Variants in KLK1 observed in about 807,000 individuals in gnomAD.
KLK1 encodes kallikrein 1, also known as kallikrein-1.
Under a neutral mutation model 23.3 loss-of-function variants are expected in KLK1, and 22 were observed. The observed-to-expected ratio is 0.95, with a 90% confidence interval of 0.68 to 1.35. The LOEUF (loss-of-function observed/expected upper bound fraction) is 1.35. Ranked by LOEUF, KLK1 falls within the 40% of genes most tolerant of loss-of-function variation. The probability of loss-of-function intolerance (pLI) is 0.00; values close to 1 mark genes in which losing one functional copy is unlikely to be tolerated. For synonymous variants in KLK1, 140 were observed against 135.8 expected (o/e 1.03, Z -0.21); for missense variants, 301 against 338.9 (o/e 0.89, Z 0.88).
chr19:50,819,884 G>A lies in KLK1; in HGVS notation c.633+15C>T, dbSNP rs1319003629. The A allele has an allele frequency of 6.2e-7, 1 of 1,613,212 alleles. No homozygotes were observed. The highest frequency in any genetic ancestry group is 8.5e-7 in the Non-Finnish European group (1 of 1,179,508). On this transcript the variant is annotated intron_variant, in intron 4 of 4. Transcript: ENST00000301420. ...CCCTCAGCCCTTCCAGACCCTGGGG[G>A]CAGGGCTGCCTCACCACACAGGTGT... is the stretch of plus-strand genomic sequence containing the variant.
rs3212825 is a variant in KLK1 at position 50,822,247 on chromosome 19, G to C, written c.47-376C>G. The C allele has an allele frequency of 8.5e-4, 859 of 1,011,334 alleles. 10 individuals are homozygous for C. In the African/African-American group the frequency reaches 0.014, roughly 16 times the overall value. The allele number at this position is 1,011,334 out of a possible 1,614,324, so 62.6% of individuals were successfully genotyped here. A position where few individuals can be genotyped will look rare whatever the true frequency, so the allele number is the denominator to read the frequency against. ...GTGGAAAGGGATTCTGGAAACCAGGGATCAAGGCGCCAAGGGTGGGACAGG... is the reference window on the plus strand; with the variant it reads ...GTGGAAAGGGATTCTGGAAACCAGGCATCAAGGCGCCAAGGGTGGGACAGG... On this transcript the variant is annotated intron_variant, in intron 1 of 4. Transcript: ENST00000301420.
rs149251777 is a variant in KLK1, at chr19:50,821,848, G to A, written c.70C>T (p.Arg24Trp). ...TCACACTCCCAGCCTCCCACAATCCGGGACTGAATCGGGGGCGCAGCACCT... is the reference window on the plus strand; with the variant it reads ...TCACACTCCCAGCCTCCCACAATCCAGGACTGAATCGGGGGCGCAGCACCT... ...GTGAAPPIQSRIVGGWECEQH... is the reference protein window; with the variant it reads ...GTGAAPPIQSWIVGGWECEQH... The change falls in exon 2 of 5, where the codon CGG becomes TGG. Residue 24 changes from arginine to tryptophan, a missense_variant. Coordinates refer to ENST00000301420, the MANE Select transcript of KLK1 (RefSeq NM_002257.4). The surrounding 1 kb of genome is among the most constrained non-coding windows in gnomAD (Gnocchi z 5.6). 57 of 1,611,866 alleles carry A rather than the reference G, an allele frequency of 3.5e-5. No homozygotes were observed. Among genetic ancestry groups the A allele is most frequent in the Non-Finnish European group, 4.6e-5 (54 of 1,178,838 alleles).
chr19:50,820,506 G>GT, intron 2 of KLK1, 63 bp from the exon 3 acceptor site: 5 of 448,544 alleles, frequency 1.1e-5, no homozygotes, highest in Non-Finnish European at 2.1e-5. Context: ...TGGGGCAGGG[G>GT]AGCATGGGGG....
chr19:50,823,521 G>A (rs2089841110), intron 1 of KLK1, among the ~76,000 whole-genome samples, 182 bp downstream of exon 1: 1 of 152,000 alleles, frequency 6.6e-6, no homozygotes, highest in South Asian at 2.1e-4. Context: ...AGGAGCGGGG[G>A]TGGAAGTTTA....
In KLK1 at chr19:50,821,741, C is replaced by A. The variant is rs1299931625; in HGVS notation, c.177G>T (p.Trp59Cys). 4 of 1,613,486 alleles carry A rather than the reference C, an allele frequency of 2.5e-6. No individual in the cohort carries two copies. In the Admixed American group the frequency reaches 6.7e-5, roughly 27 times the overall value. Residue 59 changes from tryptophan (W) to cysteine (C), a missense_variant, in exon 2 of 5, where the codon TGG becomes TGT. Physicochemically the swap from Trp to Cys is radical, Grantham distance 215. Coordinates refer to ENST00000301420, the MANE Select transcript of KLK1 (RefSeq NM_002257.4). This position sits in a 1 kb window ranked among gnomAD's most constrained non-coding sequence, Gnocchi z 5.6. Reference protein sequence around the residue: ...QCGGILVHRQWVLTAAHCISD... With the variant: ...QCGGILVHRQCVLTAAHCISD... ...TGATGCAATGAGCAGCTGTGAGCAC[C>A]CACTGGCGGTGCACCAGGATGCCCC...
rs754921741 is a variant in KLK1 at position 50,819,932 on chromosome 19, G to A, written c.600C>T (p.Val200=). 4.7e-5 allele frequency: 76 copies of A among 1,614,058 alleles called. 1 individual carries two copies. In the South Asian group the frequency reaches 6.0e-4, roughly 13 times the overall value. The change falls in exon 4 of 5, where the codon GTC becomes GTT. Residue 200 remains valine, a synonymous_variant. Transcript: ENST00000301420. ...TGTCTTTGCCACCTTCCAGGTGTCC[G>A]ACACACAGCATGAAGTCTGTCACCT... is the stretch of plus-strand genomic sequence containing the variant. ...VQKVTDFMLC[V]GHLEGGKDTC...
At chr19:50,822,098 CAGT>C (rs2089831979) in intron 1 of KLK1, 3 of 1,324,124 alleles carry the variant, frequency 2.3e-6, no homozygotes, top group Admixed American at 3.4e-5. Context: ...TGTGCTCTGA[CAGT>C]AGAGCAGCCT....
At chr19:50,823,664 A>T in intron 1 of KLK1, 39 bp downstream of exon 1, 1 of 1,382,288 alleles carries the variant, frequency 7.2e-7, no homozygotes, top group Non-Finnish European at 1.0e-6. Context: ...CAAGAGAATC[A>T]GGGCCCGTTC....
Position 50,820,360 on chromosome 19 carries a change from G to A in KLK1, c.290C>T (p.Pro97Leu), listed in dbSNP as rs142322381. The change falls in exon 3 of 5, where the codon CCA becomes CTA. Residue 97 changes from proline to leucine, a missense_variant. Physicochemically the swap from Pro to Leu is moderately conservative, Grantham distance 98. Coordinates refer to ENST00000301420, the MANE Select transcript of KLK1 (RefSeq NM_002257.4). Reference protein sequence around the residue: ...AQFVHVSESFPHPGFNMSLLE... With the variant: ...AQFVHVSESFLHPGFNMSLLE... ...GAGGCTCATGTTGAAGCCAGGGTGT[G>A]GGAAGCTCTCACTGACATGAACAAA... The A allele has an allele frequency of 1.2e-6, 2 of 1,613,796 alleles. No homozygotes were observed. Among genetic ancestry groups the A allele is most frequent in the African/African-American group, 2.7e-5 (2 of 74,846 alleles).
At chr19:50,822,862 G>A (rs2089836467) in intron 1 of KLK1, 1 of 983,244 alleles carries the variant, frequency 1.0e-6, no homozygotes, top group Admixed American at 6.2e-5. Flanking sequence ...TGAGGTTGTA[G>A]AATCACATAC....
rs760162240 is a variant in KLK1, at chr19:50,819,267, T to C, written c.716A>G (p.Asn239Ser). The C allele has an allele frequency of 9.3e-6, 15 of 1,614,132 alleles. No individual in the cohort carries two copies. The highest frequency in any genetic ancestry group is 2.2e-5 in the East Asian group (1 of 44,882). The change falls in exon 5 of 5, where the codon AAT (asparagine) becomes AGT (serine). Residue 239 changes from asparagine to serine, a missense_variant. By Grantham distance (46) the Asn-to-Ser change is conservative. Transcript: ENST00000301420. ...SWGYVPCGTP[N>S]KPSVAVRVLS... ...CACTCTGACGGCGACAGAAGGCTTA[T>C]TGGGGGTGCCACAAGGGACGTAGCC...
intron 4 of KLK1, 140 bp from the exon 5 acceptor site, chr19:50,819,489 G>T (rs2089808347): frequency 2.4e-6 from 2 of 830,080 alleles, no homozygotes; most frequent in Non-Finnish European, 3.7e-6. Context: ...GAGGGGACAG[G>T]GTCTCCAGTC....
intron 4 of KLK1, 82 bp downstream of exon 4, chr19:50,819,817 C>G (rs564272095): frequency 7.2e-7 from 1 of 1,396,274 alleles, no homozygotes; most frequent in South Asian, 1.3e-5. Flanking sequence ...GAAGCAGATG[C>G]CTGGTTAGCT....
chr19:50,820,040 G>C lies in KLK1; in HGVS notation c.497-5C>G. 6.2e-7 allele frequency: 1 copy of C among 1,613,982 alleles called. No individual in the cohort carries two copies. On this transcript the variant is annotated splice_polypyrimidine_tract_variant and splice_region_variant and intron_variant, in intron 3 of 4. Transcript: ENST00000301420. ...GGAGATCATCTGGAAATGAGACTACGAACCCGGGAGAAAAAGGGCTGCAGC... is the reference window on the plus strand; with the variant it reads ...GGAGATCATCTGGAAATGAGACTACCAACCCGGGAGAAAAAGGGCTGCAGC...
At chr19:50,823,423 G>A (rs1292162988) in intron 1 of KLK1, among the ~76,000 whole-genome samples, 1 of 152,122 alleles carries the variant, frequency 6.6e-6, no homozygotes, top group African/African-American at 2.4e-5. Flanking sequence ...CGGTGGGACA[G>A]GGCGTTGGCT....
At chr19:50,819,588 G>C (rs1308845378) in intron 4 of KLK1, among the ~76,000 whole-genome samples, 9 of 152,220 alleles carry the variant, frequency 5.9e-5, no homozygotes, top group Non-Finnish European at 1.3e-4. Flanking sequence ...GTTAGGGGGA[G>C]GAGGGGCAGG....
chr19:50,822,377 G>A (rs1211647054), intron 1 of KLK1: 1 of 986,990 alleles, frequency 1.0e-6, no homozygotes, highest in African/African-American at 1.7e-5. Flanking sequence ...TGCAGCTTTA[G>A]GGAACCAGGT....
In KLK1 at chr19:50,822,895, G is replaced by T. The variant is rs1389834626; in HGVS notation, c.46+808C>A. 5.1e-6 allele frequency: 5 copies of T among 985,172 alleles called. No homozygotes were observed. In the East Asian group the frequency reaches 5.7e-4, roughly 112 times the overall value. 61.0% of individuals were successfully genotyped at this position (985,172 alleles called of 1,614,324 possible). A position where few individuals can be genotyped will look rare whatever the true frequency, so the allele number is the denominator to read the frequency against. The stretch of plus-strand genomic sequence containing the variant: ...TACTGACTTGGGGGAGGCCAGGGCA[G>T]AAGCGCTGGCTGAGAAGGCATTCAG... On this transcript the variant is annotated intron_variant, in intron 1 of 4. Coordinates refer to ENST00000301420, the MANE Select transcript of KLK1 (RefSeq NM_002257.4).
chr19:50,821,616 C>T lies in KLK1; in HGVS notation c.206+96G>A, dbSNP rs964413516. The T allele has an allele frequency of 2.8e-6, 4 of 1,424,376 alleles. No homozygotes were observed. Among genetic ancestry groups the T allele is most frequent in the Admixed American group, 2.8e-5 (1 of 36,258 alleles). 88.2% of individuals were successfully genotyped at this position (1,424,376 alleles called of 1,614,324 possible). A position where few individuals can be genotyped will look rare whatever the true frequency, so the allele number is the denominator to read the frequency against. On this transcript the variant is annotated intron_variant, in intron 2 of 4. Transcript: ENST00000301420. This position sits in a 1 kb window ranked among gnomAD's most constrained non-coding sequence, Gnocchi z 5.6. ...AGCCTTCCTCTCTGCCTCAGCCCCC[C>T]AGTCTTGCCTGAGGTTATCCAAGGG... is the stretch of plus-strand genomic sequence containing the variant.
Sources: gnomAD v4.1 joint callset for allele counts (sites outside exome capture counted in the v4.1 genomes callset) on GRCh38, gnomAD v4.1.1 for gene constraint, Gnocchi (gnomAD v3.1) non-coding constraint, MANE v1.5 for transcripts, NCBI Gene and HGNC (gene_info 2026-07-23, HGNC 2026-07-21) for gene names.